Variants in ANPEP observed in about 807,000 individuals in gnomAD.
The protein encoded by ANPEP is alanyl aminopeptidase, membrane.
In ANPEP, 70 loss-of-function variants were observed where a neutral mutation model predicts 114.6. The observed-to-expected ratio is 0.61, with a 90% CI of 0.50 to 0.75. The LOEUF (loss-of-function observed/expected upper bound fraction) is 0.75. Among genes scored for constraint, ANPEP ranks in the 30% least tolerant of loss-of-function variants. The pLI is 0.00. For missense variants in ANPEP, 1,184 were observed against 1,259.5 expected, an observed-to-expected ratio of 0.94 and a Z score of 0.91; for synonymous variants, 548 against 522.3, an observed-to-expected ratio of 1.05 and a Z score of -0.67.
At chr15:89,791,831 G>A (rs1968633370) in intron 18 of ANPEP, among the ~76,000 whole-genome samples, 1 of 152,018 alleles carries the variant, frequency 6.6e-6, no homozygotes. Flanking sequence ...TCATCCAAGG[G>A]CTTGAGGGGG....
chr15:89,790,581 G>T, intron 19 of ANPEP, 40 bp from the exon 20 acceptor site: 1 of 1,552,326 alleles, frequency 6.4e-7, no homozygotes, highest in South Asian at 1.1e-5. Context: ...GGGAGGCCGG[G>T]AACTAAGGAG....
chr15:89,799,656 A>G lies in ANPEP; in HGVS notation c.1820-97T>C, dbSNP rs1894546056. ...GCAGCTGCCCCCGCAGCCTGGCACCACCTCACCCTCAAGCTGCTGGGGAGA... is the reference window on the plus strand; with the variant it reads ...GCAGCTGCCCCCGCAGCCTGGCACCGCCTCACCCTCAAGCTGCTGGGGAGA... On this transcript the variant is annotated intron_variant, in intron 12 of 20. Transcript: ENST00000300060. This position sits in a 1 kb window ranked among gnomAD's most constrained non-coding sequence, Gnocchi z 4.2. 1 of 1,553,274 alleles carries G rather than the reference A, an allele frequency of 6.4e-7. No individual in the cohort carries two copies. Among genetic ancestry groups the G allele is most frequent in the Admixed American group, 1.7e-5 (1 of 57,954 alleles).
intron 20 of ANPEP, among the ~76,000 whole-genome samples, chr15:89,789,089 T>TCTGCCA (rs1379098641): frequency 6.6e-6 from 1 of 151,870 alleles, no homozygotes; most frequent in Non-Finnish European, 1.5e-5. Flanking sequence ...AGGCAATTAT[T>TCTGCCA]CTGCCACAGC....
chr15:89,791,873 C>G (rs535272819), intron 18 of ANPEP, among the ~76,000 whole-genome samples: 5 of 152,152 alleles, frequency 3.3e-5, no homozygotes, highest in Admixed American at 3.3e-4. Context: ...AGACCCAGGT[C>G]CAGCTACACC....
Position 89,799,137 on chromosome 15 carries a change from G to T in ANPEP, c.2009+123C>A. 5.4e-6 allele frequency: 6 copies of T among 1,104,942 alleles called. No homozygotes were observed. In the South Asian group the frequency reaches 8.1e-5, roughly 15 times the overall value. The allele number at this position is 1,104,942 out of a possible 1,614,324, so 68.4% of individuals were successfully genotyped here. A position where few individuals can be genotyped will look rare whatever the true frequency, so the allele number is the denominator to read the frequency against. On this transcript the variant is annotated intron_variant, in intron 14 of 20. Coordinates refer to ENST00000300060, the MANE Select transcript of ANPEP (RefSeq NM_001150.3). The surrounding 1 kb of genome is among the most constrained non-coding windows in gnomAD (Gnocchi z 4.2). ...AGGGAGGGACGTCCAGGGAGCACAG[G>T]AGCTCAGGGCACAGCACGTGGCATA...
At chr15:89,811,329 A>G (rs1485984843) in intron 1 of ANPEP, among the ~76,000 whole-genome samples, 1 of 152,138 alleles carries the variant, frequency 6.6e-6, no homozygotes, top group African/African-American at 2.4e-5. Flanking sequence ...AATTTATATT[A>G]ACAATTCATG....
intron 1 of ANPEP, among the ~76,000 whole-genome samples, chr15:89,813,995 G>GGT: frequency 6.8e-6 from 1 of 146,218 alleles, no homozygotes; most frequent in Admixed American, 7.0e-5. Context: ...CACTGCTGGG[G>GGT]GGGGGGGGTG....
At chr15:89,804,774 G>T in intron 4 of ANPEP, 157 bp from the exon 5 acceptor site, 2 of 1,078,994 alleles carry the variant, frequency 1.9e-6, no homozygotes, top group Non-Finnish European at 2.6e-6. Flanking sequence ...AGAGGGGAAC[G>T]CTACTGGGGT....
chr15:89,810,891 C>G (rs1239930230), intron 1 of ANPEP, among the ~76,000 whole-genome samples: 2 of 152,270 alleles, frequency 1.3e-5, no homozygotes, highest in East Asian at 3.8e-4. Flanking sequence ...TTCATTCTCC[C>G]TTCCTCCCTA....
intron 2 of ANPEP, 133 bp downstream of exon 2, chr15:89,805,837 G>A (rs894634470): frequency 2.6e-5 from 33 of 1,267,726 alleles, no homozygotes; most frequent in Non-Finnish European, 3.0e-5. Context: ...GCAGCTGGAG[G>A]TGAAGCAATG....
In ANPEP at chr15:89,799,983, G is replaced by T. The variant is rs1390737304; in HGVS notation, c.1820-424C>A. Among the ~76,000 whole-genome samples, 3 of 151,992 alleles carry T rather than the reference G, an allele frequency of 2.0e-5. No homozygotes were observed. Among genetic ancestry groups the T allele is most frequent in the African/African-American group, 7.3e-5 (3 of 41,376 alleles). Reference sequence around the variant, plus strand: ...CTGCTGTCTCTTTCTGGGGCTTAGTGCCCCTTCCTCCCTGTGGGTCCCCCT... The same window carrying T: ...CTGCTGTCTCTTTCTGGGGCTTAGTTCCCCTTCCTCCCTGTGGGTCCCCCT... On this transcript the variant is annotated intron_variant, in intron 12 of 20. Transcript: ENST00000300060. This position sits in a 1 kb window ranked among gnomAD's most constrained non-coding sequence, Gnocchi z 4.2.
chr15:89,786,868 G>A lies in ANPEP; in HGVS notation c.2752-1367C>T, dbSNP rs117131769. ...TTTACCGTCAATTGATTTTCAACTA[G>A]GTTGCCAAGACCATTCAGTGGGAGA... On this transcript the variant is annotated intron_variant, in intron 20 of 20. Transcript: ENST00000300060. Among the ~76,000 whole-genome samples, 1,342 of 151,906 alleles carry A rather than the reference G, an allele frequency of 8.8e-3. 18 individuals carry two copies. Among genetic ancestry groups the A allele is most frequent in the Non-Finnish European group, 0.015 (995 of 67,982 alleles).
Position 89,792,307 on chromosome 15 carries a change from G to C in ANPEP, c.2381C>G (p.Ser794Cys), listed in dbSNP as rs1421634823. The part of the protein sequence containing the change: ...NNNPIHPNLR[S>C]TVYCNAIAQG... ...GGCGATAGCGTTGCAGTAGACGGTG[G>C]ACCGCAGGTTGGGGTGGATCCTGGT... The change falls in exon 18 of 21, where the codon TCC (serine) becomes TGC (cysteine). Residue 794 changes from serine to cysteine, a missense_variant. By Grantham distance (112) the Ser-to-Cys change is moderately radical. Transcript: ENST00000300060. The C allele has an allele frequency of 6.2e-7, 1 of 1,614,238 alleles. No homozygotes were observed. The highest frequency in any genetic ancestry group is 8.5e-7 in the Non-Finnish European group (1 of 1,180,036).
At chr15:89,801,655 C>T (rs776909404) in intron 10 of ANPEP, 48 bp from the exon 11 acceptor site, 1 of 1,591,398 alleles carries the variant, frequency 6.3e-7, no homozygotes, top group Admixed American at 1.7e-5. Flanking sequence ...CCCTCCAGTC[C>T]CTGCCATCCA....
chr15:89,794,512 A>T (rs540674635), intron 15 of ANPEP, among the ~76,000 whole-genome samples: 2 of 152,110 alleles, frequency 1.3e-5, no homozygotes, highest in African/African-American at 2.4e-5. Flanking sequence ...AAAAATAAAT[A>T]AAAAAATTAA....
At position 89,785,341 on chromosome 15, in the gene ANPEP, G is replaced by T. The variant is rs1486885586; in HGVS notation, c.*8C>A. ...GCATGGGGGCCGGGTGACTTCAAGG[G>T]CTGGGGACTATTTGCTGTTTTCTGT... is the stretch of plus-strand genomic sequence containing the variant. On this transcript the variant is annotated 3_prime_UTR_variant, in exon 21 of 21. Coordinates refer to ENST00000300060, the MANE Select transcript of ANPEP (RefSeq NM_001150.3). 2 of 1,614,066 alleles carry T rather than the reference G, an allele frequency of 1.2e-6. No individual in the cohort carries two copies. The highest frequency in any genetic ancestry group is 1.7e-6 in the Non-Finnish European group (2 of 1,180,018).
chr15:89,790,645 G>T, intron 19 of ANPEP, 104 bp from the exon 20 acceptor site: 1 of 1,068,436 alleles, frequency 9.4e-7, no homozygotes, highest in Non-Finnish European at 1.4e-6. Flanking sequence ...GAGATGAAAT[G>T]ACACGCCCTG....
At position 89,803,689 on chromosome 15, in the gene ANPEP, C is replaced by T. The variant is rs774108621; in HGVS notation, c.1395G>A (p.Pro465=). The T allele has an allele frequency of 1.3e-5, 21 of 1,613,142 alleles. No individual in the cohort carries two copies. The highest frequency in any genetic ancestry group is 2.7e-5 in the African/African-American group (2 of 74,914). ...CGTCAAACAGCTCACTGATCTGGGC[C>T]GGCGTGTTGATCTCCGAGGCGGGTG... ...LSTPASEINT[P]AQISELFDAI... The change falls in exon 8 of 21, where the codon CCG becomes CCA. Residue 465 remains proline (P), a synonymous_variant. Coordinates refer to ENST00000300060, the MANE Select transcript of ANPEP (RefSeq NM_001150.3). The surrounding 1 kb of genome is among the most constrained non-coding windows in gnomAD (Gnocchi z 4.2).
chr15:89,806,384 T>C lies in ANPEP; in HGVS notation c.200A>G (p.Gln67Arg), dbSNP rs1198003237. The C allele has an allele frequency of 1.2e-6, 2 of 1,613,956 alleles. No individual in the cohort carries two copies. The highest frequency in any genetic ancestry group is 2.7e-5 in the African/African-American group (2 of 74,898). Reference protein sequence around the residue: ...TNPASATTLDQSKAWNRYRLP... With the variant: ...TNPASATTLDRSKAWNRYRLP... ...GCGGTAACGATTCCACGCTTTACTT[T>C]GGTCCAAGGTGGTGGCCGAGGCGGG... The change falls in exon 2 of 21, where the codon CAA (glutamine) becomes CGA (arginine). Residue 67 changes from glutamine (Q) to arginine (R), a missense_variant. Transcript: ENST00000300060. This position sits in a 1 kb window ranked among gnomAD's most constrained non-coding sequence, Gnocchi z 5.7.
Sources: allele counts gnomAD v4.1 joint callset (sites outside exome capture counted in the v4.1 genomes callset), GRCh38; gene constraint gnomAD v4.1.1; non-coding constraint Gnocchi (gnomAD v3.1); transcripts MANE v1.5; gene names NCBI Gene and HGNC (gene_info 2026-07-23, HGNC 2026-07-21).